Variants in AFG1L observed in about 807,000 individuals in gnomAD.
AFG1L encodes AFG1 like ATPase.
Under a neutral mutation model 62.2 loss-of-function variants are expected in AFG1L, and 53 were observed. The observed-to-expected ratio is 0.85, with a 90% CI of 0.68 to 1.07. AFG1L has a LOEUF of 1.07. Ranked by LOEUF, AFG1L falls within the 50% of genes least tolerant of loss-of-function variation. The probability of loss-of-function intolerance (pLI) is 0.00; values close to 1 mark genes in which losing one functional copy is unlikely to be tolerated. For synonymous variants in AFG1L, 228 were observed against 210.3 expected, an observed-to-expected ratio of 1.08 and a Z score of -0.73; for missense variants, 555 against 590.5, an observed-to-expected ratio of 0.94 and a Z score of 0.62.
chr6:108,460,032 G>A (rs998787717), intron 8 of AFG1L, among the ~76,000 whole-genome samples: 3 of 150,998 alleles, frequency 2.0e-5, no homozygotes, highest in African/African-American at 4.9e-5. Context: ...TGTGGATCCT[G>A]AATCACACAA....
intron 6 of AFG1L, among the ~76,000 whole-genome samples, chr6:108,394,467 G>A (rs912167344): frequency 6.6e-6 from 1 of 151,554 alleles, no homozygotes; most frequent in African/African-American, 2.4e-5. Context: ...TTTTTTATCT[G>A]TCACTACCAA....
intron 10 of AFG1L, among the ~76,000 whole-genome samples, chr6:108,483,868 T>C (rs1241618816): frequency 6.6e-6 from 1 of 152,206 alleles, no homozygotes; most frequent in Non-Finnish European, 1.5e-5. Context: ...GATTATATCA[T>C]ATTAGTGTAT....
chr6:108,518,777 A>G (rs1775004754), intron 11 of AFG1L, among the ~76,000 whole-genome samples: 1 of 152,266 alleles, frequency 6.6e-6, no homozygotes, highest in Non-Finnish European at 1.5e-5. Context: ...ATTAATGTAA[A>G]TCTTAGTCTT....
chr6:108,432,017 G>A (rs1477572866), intron 7 of AFG1L, among the ~76,000 whole-genome samples: 7 of 150,154 alleles, frequency 4.7e-5, no homozygotes, highest in African/African-American at 1.7e-4. Context: ...CTTGTAGTTC[G>A]ATCTGGTATG....
intron 2 of AFG1L, among the ~76,000 whole-genome samples, chr6:108,339,815 G>A (rs1778612584): frequency 6.6e-6 from 1 of 152,086 alleles, no homozygotes; most frequent in Non-Finnish European, 1.5e-5. Context: ...GGGTACATGA[G>A]ATGTTTTGAT....
chr6:108,295,441 G>T (rs1223047582), intron 1 of AFG1L, among the ~76,000 whole-genome samples: 2 of 152,316 alleles, frequency 1.3e-5, no homozygotes, highest in Non-Finnish European at 2.9e-5. Flanking sequence ...GAGGGTCAGA[G>T]GTTGACTCAG....
intron 2 of AFG1L, among the ~76,000 whole-genome samples, chr6:108,340,829 G>A (rs2114390449): frequency 6.6e-6 from 1 of 152,294 alleles, no homozygotes; most frequent in South Asian, 2.1e-4. Flanking sequence ...GAATGGATGG[G>A]TGCAGACGTG....
At chr6:108,362,170 A>AT (rs923467166) in intron 5 of AFG1L, among the ~76,000 whole-genome samples, 3 of 152,054 alleles carry the variant, frequency 2.0e-5, no homozygotes, top group African/African-American at 7.2e-5. Flanking sequence ...TTCAACCCAC[A>AT]TTTTTTCCTG....
intron 1 of AFG1L, among the ~76,000 whole-genome samples, chr6:108,310,804 G>A (rs1040313756): frequency 6.6e-6 from 1 of 151,888 alleles, no homozygotes; most frequent in Non-Finnish European, 1.5e-5. Flanking sequence ...CAAACTCCTC[G>A]GCTCTGAAGC....
chr6:108,327,856 G>A (rs1007389237), intron 2 of AFG1L, among the ~76,000 whole-genome samples: 1 of 152,098 alleles, frequency 6.6e-6, no homozygotes, highest in African/African-American at 2.4e-5. Context: ...CTTCATCCCT[G>A]TTTGGGCAGA....
intron 6 of AFG1L, among the ~76,000 whole-genome samples, chr6:108,369,939 G>T (rs1407877833): frequency 7.1e-4 from 93 of 131,576 alleles, no homozygotes; most frequent in East Asian, 3.3e-3. Flanking sequence ...TGGCTGGCTG[G>T]CTGGCTGGCT....
chr6:108,331,256 A>G (rs1480665502), intron 2 of AFG1L, among the ~76,000 whole-genome samples: 1 of 152,236 alleles, frequency 6.6e-6, no homozygotes, highest in East Asian at 1.9e-4. Flanking sequence ...ACTGCACTCC[A>G]GCCTGGGCAA....
intron 2 of AFG1L, among the ~76,000 whole-genome samples, chr6:108,339,231 A>G (rs967211940): frequency 1.3e-5 from 2 of 151,450 alleles, no homozygotes; most frequent in African/African-American, 4.9e-5. Flanking sequence ...GCTCACTGCA[A>G]TCTCTGCCAA....
intron 6 of AFG1L, among the ~76,000 whole-genome samples, chr6:108,399,796 T>TTTTA: frequency 7.2e-6 from 1 of 138,266 alleles, no homozygotes; most frequent in Admixed American, 7.6e-5. Context: ...TTTTTTTTTT[T>TTTTA]GAGATAAGGT....
chr6:108,352,964 T>C (rs1170876862), intron 3 of AFG1L, among the ~76,000 whole-genome samples: 6 of 152,184 alleles, frequency 3.9e-5, no homozygotes, highest in Non-Finnish European at 8.8e-5. Flanking sequence ...TAACATTTTA[T>C]GTATATACCA....
At chr6:108,517,143 C>G in intron 11 of AFG1L, among the ~76,000 whole-genome samples, 1 of 152,066 alleles carries the variant, frequency 6.6e-6, no homozygotes, top group Non-Finnish European at 1.5e-5. Context: ...ACAGAATTGG[C>G]AAAAACTACT....
chr6:108,433,271 G>GTTA (rs55979082), intron 7 of AFG1L, among the ~76,000 whole-genome samples: 52,661 of 150,802 alleles, frequency 0.35, 9,590 homozygotes, highest in Non-Finnish European at 0.42. Flanking sequence ...CTTTATTATT[G>GTTA]TTATTATTAT....
intron 8 of AFG1L, among the ~76,000 whole-genome samples, chr6:108,447,972 ATCTG>A (rs1403611644): frequency 1.3e-5 from 2 of 152,202 alleles, no homozygotes; most frequent in Non-Finnish European, 2.9e-5. Context: ...CAGTAAATAG[ATCTG>A]TCTAAGGACT....
intron 2 of AFG1L, among the ~76,000 whole-genome samples, chr6:108,325,868 C>T (rs539058642): frequency 3.9e-5 from 6 of 152,092 alleles, no homozygotes; most frequent in African/African-American, 7.2e-5. Flanking sequence ...CTGTAGCCTC[C>T]GCCTCCCAGG....
Sources: allele counts gnomAD v4.1 joint callset (sites outside exome capture counted in the v4.1 genomes callset), GRCh38; gene constraint gnomAD v4.1.1; transcripts MANE v1.5; gene names NCBI Gene and HGNC (gene_info 2026-07-23, HGNC 2026-07-21).